The following REPS2 variants were observed in gnomAD, a reference collection of about 807,000 sequenced individuals.
REPS2 encodes the protein RALBP1 associated Eps domain containing 2.
A neutral mutation model predicts 53.6 loss-of-function variants in REPS2; 23 were observed. That is an observed-to-expected ratio of 0.43 (90% CI 0.31 to 0.61). The LOEUF (loss-of-function observed/expected upper bound fraction) is 0.61. Ranked by LOEUF, REPS2 falls within the 20% of genes least tolerant of loss-of-function variation. The pLI is 0.11. For synonymous variants in REPS2, 238 were observed against 218.6 expected (o/e 1.09, Z -0.78); for missense variants, 446 against 534.9 (o/e 0.83, Z 1.64).
chrX:16,951,554 CACA>C lies in REPS2; in HGVS notation c.273+4421_273+4423del, dbSNP rs1330587624. ...ACACACACACACACACACACACACA[CACA>C]CACCCCCGCTACCTACCTCTCTCTG... On this transcript the variant is annotated intron_variant, in intron 1 of 17. Coordinates refer to ENST00000357277, the MANE Select transcript of REPS2 (RefSeq NM_004726.3). Among the ~76,000 whole-genome samples, 263 of 30,016 alleles carry C rather than the reference CACA, an allele frequency of 8.8e-3. 5 individuals carry two copies. The highest frequency in any genetic ancestry group is 0.067 in the Admixed American group (138 of 2,066). 26.1% of individuals were successfully genotyped at this position (30,016 alleles called of 115,157 possible). A position where few individuals can be genotyped will look rare whatever the true frequency, so the allele number is the denominator to read the frequency against.
At chrX:17,115,087 CACAGAG>C (rs1369116905) in intron 14 of REPS2, among the ~76,000 whole-genome samples, 2 of 112,173 alleles carry the variant, frequency 1.8e-5, no homozygotes, top group African/African-American at 6.5e-5. Flanking sequence ...AAGAAAAAGA[CACAGAG>C]ACAAAGTATA....
chrX:16,969,801 GGA>G (rs2060861220), intron 1 of REPS2, among the ~76,000 whole-genome samples: 1 of 100,899 alleles, frequency 9.9e-6, no homozygotes, highest in Non-Finnish European at 2.0e-5. Context: ...AGGGAGAGAG[GGA>G]GAGGGAGAGA....
At chrX:17,049,618 C>T (rs1007726070) in intron 6 of REPS2, among the ~76,000 whole-genome samples, 2 of 111,135 alleles carry the variant, frequency 1.8e-5, no homozygotes, top group Non-Finnish European at 3.8e-5. Context: ...TTTGTGGGTA[C>T]ATAGGTGTAT....
intron 1 of REPS2, among the ~76,000 whole-genome samples, chrX:16,984,346 G>A (rs947596994): frequency 2.7e-5 from 3 of 112,065 alleles, no homozygotes; most frequent in African/African-American, 9.7e-5. Flanking sequence ...TCAGAGTGAG[G>A]GATCTCAGAG....
chrX:17,034,016 T>C (rs942712830), intron 5 of REPS2, among the ~76,000 whole-genome samples: 1 of 112,335 alleles, frequency 8.9e-6, no homozygotes, highest in African/African-American at 3.2e-5. Flanking sequence ...TTTTCCCCAT[T>C]AAGAACGTGA....
chrX:17,103,937 T>A (rs1475913325), intron 14 of REPS2, among the ~76,000 whole-genome samples, 158 bp downstream of exon 14: 1 of 111,361 alleles, frequency 9.0e-6, no homozygotes, highest in Non-Finnish European at 1.9e-5. Flanking sequence ...TTTATTCTCA[T>A]CCAGCCAGCT....
At chrX:17,007,547 G>A (rs961003747) in intron 2 of REPS2, among the ~76,000 whole-genome samples, 1 of 111,883 alleles carries the variant, frequency 8.9e-6, no homozygotes, top group African/African-American at 3.3e-5. Flanking sequence ...GCTTTATCTT[G>A]TGGCACCTCC....
intron 1 of REPS2, among the ~76,000 whole-genome samples, chrX:16,997,463 G>GT (rs1256489356): frequency 8.9e-6 from 1 of 111,806 alleles, no homozygotes; most frequent in African/African-American, 3.3e-5. Flanking sequence ...TTAGATCCTG[G>GT]TTTTGCCCCA....
intron 14 of REPS2, among the ~76,000 whole-genome samples, chrX:17,121,419 G>A (rs1402806152): frequency 8.9e-6 from 1 of 112,596 alleles, no homozygotes; most frequent in African/African-American, 3.2e-5. Context: ...GGGAAGAGAT[G>A]TGTACCATCG....
At chrX:16,979,130 G>A (rs996045801) in intron 1 of REPS2, among the ~76,000 whole-genome samples, 2 of 111,825 alleles carry the variant, frequency 1.8e-5, no homozygotes, top group Non-Finnish European at 3.8e-5. Flanking sequence ...TCAGGGTTTC[G>A]AGTGCCCATA....
intron 2 of REPS2, among the ~76,000 whole-genome samples, chrX:17,019,573 C>T (rs2061544548): frequency 8.9e-6 from 1 of 111,732 alleles, no homozygotes; most frequent in South Asian, 3.8e-4. Context: ...CCTGTAATCC[C>T]AGCACTTTAG....
intron 1 of REPS2, among the ~76,000 whole-genome samples, chrX:16,955,909 A>G (rs998863598): frequency 1.8e-5 from 2 of 112,430 alleles, no homozygotes; most frequent in African/African-American, 6.5e-5. Flanking sequence ...GAATATACAT[A>G]TGTTTTGCTC....
chrX:17,012,148 G>A (rs749649358), intron 2 of REPS2, among the ~76,000 whole-genome samples: 1 of 110,354 alleles, frequency 9.1e-6, no homozygotes, highest in African/African-American at 3.3e-5. Context: ...GGGAGGCCGA[G>A]GAGGGTGGAT....
intron 13 of REPS2, among the ~76,000 whole-genome samples, chrX:17,088,927 C>T (rs1195619243): frequency 1.8e-5 from 2 of 111,474 alleles, no homozygotes; most frequent in Non-Finnish European, 3.8e-5. Flanking sequence ...ATCTTTGTTG[C>T]AGCAGATTTG....
the REPS2 span, among the ~76,000 whole-genome samples, chrX:17,194,359 C>T: frequency 9.0e-6 from 1 of 111,258 alleles, no homozygotes; most frequent in African/African-American, 3.3e-5. Context: ...ATTAAACAAA[C>T]CATGGTATGT....
chrX:17,019,435 TA>T (rs1363001547), intron 2 of REPS2, among the ~76,000 whole-genome samples: 1 of 111,964 alleles, frequency 8.9e-6, no homozygotes, highest in African/African-American at 3.2e-5. Context: ...TGACTACAAA[TA>T]GACCTTCTTC....
intron 14 of REPS2, among the ~76,000 whole-genome samples, chrX:17,114,252 G>T (rs970996877): frequency 3.6e-5 from 4 of 112,195 alleles, no homozygotes; most frequent in Admixed American, 1.9e-4. Context: ...GCTGCTTAGT[G>T]AATTTCTACT....
At chrX:17,010,244 C>T (rs907962321) in intron 2 of REPS2, among the ~76,000 whole-genome samples, 4 of 112,461 alleles carry the variant, frequency 3.6e-5, no homozygotes, top group African/African-American at 9.7e-5. Context: ...AGCTAATTAA[C>T]GCCCTACGGG....
chrX:17,007,827 A>G (rs182509276), intron 2 of REPS2, among the ~76,000 whole-genome samples: 390 of 112,072 alleles, frequency 3.5e-3, no homozygotes, highest in Non-Finnish European at 6.0e-3. Flanking sequence ...GGTCTCTACT[A>G]TGGTGCTGCC....
Sources: allele counts gnomAD v4.1 joint callset (sites outside exome capture counted in the v4.1 genomes callset), GRCh38; gene constraint gnomAD v4.1.1; transcripts MANE v1.5; gene names NCBI Gene and HGNC (gene_info 2026-07-23, HGNC 2026-07-21).